Variants in RASA1 observed in about 807,000 individuals in gnomAD.
The protein encoded by RASA1 is ras GTPase-activating protein 1.
In RASA1, 25 loss-of-function variants were observed where a neutral mutation model predicts 132.2. The ratio of observed to expected loss-of-function variants is 0.19; its 90% CI spans 0.14 to 0.26. The LOEUF is 0.26. Ranked by LOEUF, RASA1 falls within the 10% of genes least tolerant of loss-of-function variation. RASA1 has a pLI of 1.00. For synonymous variants in RASA1, 477 were observed against 449.9 expected (o/e 1.06, Z -0.76); for missense variants, 964 against 1,299.2 (o/e 0.74, Z 3.97).
In RASA1 at chr5:87,363,335, T is replaced by G. The variant is rs761587614; in HGVS notation, c.1454-13T>G. 9 of 1,595,364 alleles carry G rather than the reference T, an allele frequency of 5.6e-6. No homozygotes were observed. The highest frequency in any genetic ancestry group is 7.7e-6 in the Non-Finnish European group (9 of 1,164,766). On this transcript the variant is annotated splice_polypyrimidine_tract_variant and intron_variant, in intron 10 of 24. Transcript: ENST00000274376. ...TGTTTGGCTAAGAGAAAACAATTTTTTTTTTTAAACAGGCAAAGGAAAACG... is the reference window on the plus strand; with the variant it reads ...TGTTTGGCTAAGAGAAAACAATTTTGTTTTTTAAACAGGCAAAGGAAAACG...
At chr5:87,374,127 G>A in intron 13 of RASA1, 36 bp from the exon 14 acceptor site, 1 of 1,301,398 alleles carries the variant, frequency 7.7e-7, no homozygotes, top group Non-Finnish European at 9.9e-7. Flanking sequence ...CTAGAAATCT[G>A]GGGTAATATA....
intron 1 of RASA1, among the ~76,000 whole-genome samples, chr5:87,314,132 C>T (rs940840569): frequency 5.9e-5 from 9 of 152,084 alleles, no homozygotes; most frequent in African/African-American, 1.2e-4. Context: ...AAGATCATGC[C>T]ATTGCACTCC....
intron 9 of RASA1, among the ~76,000 whole-genome samples, chr5:87,355,718 C>A (rs1441047934): frequency 6.6e-6 from 1 of 152,204 alleles, no homozygotes; most frequent in Non-Finnish European, 1.5e-5. Context: ...GGGCAAGGTA[C>A]ATTGAAAACC....
At chr5:87,334,345 G>A (rs1757808854) in intron 4 of RASA1, among the ~76,000 whole-genome samples, 1 of 152,010 alleles carries the variant, frequency 6.6e-6, no homozygotes, top group Admixed American at 6.6e-5. Context: ...TCCATTTTTT[G>A]TTCTGTTCAG....
chr5:87,319,793 T>C (rs747441183), intron 1 of RASA1, among the ~76,000 whole-genome samples: 2 of 152,218 alleles, frequency 1.3e-5, no homozygotes, highest in Non-Finnish European at 2.9e-5. Context: ...TTATGTAAAT[T>C]TCTACCACTG....
At chr5:87,377,865 A>G (rs955048363) in intron 17 of RASA1, among the ~76,000 whole-genome samples, 2 of 152,132 alleles carry the variant, frequency 1.3e-5, no homozygotes, top group African/African-American at 2.4e-5. Context: ...CAAAATATAG[A>G]TTTGTCAAGG....
At chr5:87,277,055 T>C (rs1431614365) in intron 1 of RASA1, among the ~76,000 whole-genome samples, 1 of 152,204 alleles carries the variant, frequency 6.6e-6, no homozygotes, top group Non-Finnish European at 1.5e-5. Flanking sequence ...CAGTATTTGC[T>C]AATCATTTGC....
chr5:87,332,756 T>A, intron 3 of RASA1, 114 bp downstream of exon 3: 1 of 1,092,278 alleles, frequency 9.2e-7, no homozygotes, highest in Non-Finnish European at 1.3e-6. Context: ...TTTGTTGTAT[T>A]AAATTTTAAT....
chr5:87,271,794 A>G (rs1395937240), intron 1 of RASA1, among the ~76,000 whole-genome samples: 1 of 151,766 alleles, frequency 6.6e-6, no homozygotes, highest in African/African-American at 2.4e-5. Flanking sequence ...TGTTTTTTAG[A>G]GTAGTTTTAG....
chr5:87,276,980 T>C (rs1754087621), intron 1 of RASA1, among the ~76,000 whole-genome samples: 1 of 152,168 alleles, frequency 6.6e-6, no homozygotes, highest in Non-Finnish European at 1.5e-5. Context: ...CACATATATT[T>C]AGATTTGAGT....
chr5:87,277,693 A>G (rs1025884243), intron 1 of RASA1, among the ~76,000 whole-genome samples: 1 of 152,148 alleles, frequency 6.6e-6, no homozygotes, highest in Non-Finnish European at 1.5e-5. Context: ...CTACATCTTT[A>G]AAAATGGATT....
chr5:87,311,321 T>A (rs1755897514), intron 1 of RASA1, among the ~76,000 whole-genome samples: 1 of 152,142 alleles, frequency 6.6e-6, no homozygotes, highest in South Asian at 2.1e-4. Context: ...AAATTAGAAT[T>A]TTGGAGGCTT....
At chr5:87,282,906 G>A (rs1460146463) in intron 1 of RASA1, among the ~76,000 whole-genome samples, 1 of 152,062 alleles carries the variant, frequency 6.6e-6, no homozygotes, top group Admixed American at 6.6e-5. Flanking sequence ...TTTGATATAT[G>A]TATACATTGT....
intron 1 of RASA1, among the ~76,000 whole-genome samples, chr5:87,308,972 A>T (rs1157592420): frequency 6.6e-6 from 1 of 152,180 alleles, no homozygotes; most frequent in African/African-American, 2.4e-5. Context: ...TCGTTAAGCA[A>T]TGCATAAGAT....
Position 87,374,259 on chromosome 5 carries a change from G to T in RASA1, c.1873G>T (p.Val625Leu), listed in dbSNP as rs148984998. Residue 625 changes from valine (V) to leucine (L), a missense_variant, in exon 14 of 25, where the codon GTA (valine) becomes TTA (leucine). Coordinates refer to ENST00000274376, the MANE Select transcript of RASA1 (RefSeq NM_002890.3). ...TAACATCTACCTGAATAGTGTCCAAGTAGCAAAAACTCATGCAAGGGAAGG... is the reference window on the plus strand; with the variant it reads ...TAACATCTACCTGAATAGTGTCCAATTAGCAAAAACTCATGCAAGGGAAGG... ...YCNIYLNSVQ[V>L]AKTHAREGQN... The T allele has an allele frequency of 6.2e-7, 1 of 1,602,430 alleles. No individual in the cohort carries two copies. Among genetic ancestry groups the T allele is most frequent in the East Asian group, 2.3e-5 (1 of 44,390 alleles).
chr5:87,302,378 A>C (rs1164615314), intron 1 of RASA1, among the ~76,000 whole-genome samples: 1 of 151,770 alleles, frequency 6.6e-6, no homozygotes, highest in African/African-American at 2.4e-5. Flanking sequence ...CAAGTCTTCA[A>C]GTCTTCTGTC....
intron 11 of RASA1, among the ~76,000 whole-genome samples, chr5:87,366,009 G>A (rs957465328): frequency 2.6e-5 from 4 of 152,128 alleles, no homozygotes; most frequent in African/African-American, 4.8e-5. Context: ...AATACCTACT[G>A]TTGGATGCTG....
chr5:87,346,765 G>A, intron 7 of RASA1, 41 bp downstream of exon 7: 1 of 1,422,658 alleles, frequency 7.0e-7, no homozygotes, highest in South Asian at 1.2e-5. Flanking sequence ...TCTATTTAAA[G>A]AGAATAAAAA....
rs1753690583 is a variant in RASA1 at position 87,268,830 on chromosome 5, ACT to A, written c.383_384del (p.Leu128ArgfsTer29). 2 of 1,610,498 alleles carry A rather than the reference ACT, an allele frequency of 1.2e-6. No individual in the cohort carries two copies. The highest frequency in any genetic ancestry group is 8.5e-7 in the Non-Finnish European group (1 of 1,178,892). ...ACTGCCCACTTCGTTGCTTGCTGAG[ACT>A]CTCGGGCCAGGCGGCGGTTTTCCCC... Reference protein sequence around the residue: ...TKLPTSLLAETLGPGGGFPPL... With the variant: ...TKLPTSLLAEXLGPGGGFPPL... On this transcript the variant is annotated frameshift_variant, in exon 1 of 25. Coordinates refer to ENST00000274376, the MANE Select transcript of RASA1 (RefSeq NM_002890.3). LOFTEE classifies it high-confidence loss of function.
Sources: allele counts gnomAD v4.1 joint callset (sites outside exome capture counted in the v4.1 genomes callset), GRCh38; gene constraint gnomAD v4.1.1; transcripts MANE v1.5; gene names NCBI Gene and HGNC (gene_info 2026-07-23, HGNC 2026-07-21).